Variants in TEAD2 observed in about 807,000 individuals in gnomAD.
TEAD2 encodes the protein TEA domain transcription factor 2, also known as transcriptional enhancer factor TEF-4.
A neutral mutation model predicts 61.4 loss-of-function variants in TEAD2; 51 were observed. That is an observed-to-expected ratio of 0.83 (90% CI 0.66 to 1.05). The LOEUF is 1.05. Among genes scored for constraint, TEAD2 ranks in the 50% least tolerant of loss-of-function variants. TEAD2 has a pLI of 0.00. For synonymous variants in TEAD2, 244 were observed against 243.2 expected (o/e 1.00, Z -0.03); for missense variants, 509 against 600.0 (o/e 0.85, Z 1.58).
intron 8 of TEAD2, chr19:49,349,070 A>G (rs936470104): frequency 2.2e-6 from 1 of 451,536 alleles, no homozygotes; most frequent in Admixed American, 4.0e-5. Flanking sequence ...CTGAATGAAA[A>G]AGACAGAACT....
rs977065503 is a variant in TEAD2 at position 49,361,156 on chromosome 19, G to A, written c.-6-1075C>T. Among the ~76,000 whole-genome samples, 130 of 37,692 alleles carry A rather than the reference G, an allele frequency of 3.4e-3. 1 individual carries two copies. Among genetic ancestry groups the A allele is most frequent in the African/African-American group, 5.3e-3 (31 of 5,856 alleles). The allele number at this position is 37,692 out of a possible 152,430, so 24.7% of individuals were successfully genotyped here. ...GACCAGAAAGAGGGGGACAGAGACC[G>A]GGGGGGGGGGACAGGGACCAGAGAG... On this transcript the variant is annotated intron_variant, in intron 1 of 12. Transcript: ENST00000593945.
At chr19:49,350,027 G>T (rs1971910422) in intron 8 of TEAD2, among the ~76,000 whole-genome samples, 1 of 152,182 alleles carries the variant, frequency 6.6e-6, no homozygotes, top group South Asian at 2.1e-4. Flanking sequence ...TGGGTCTTCT[G>T]TTACTTGCAG....
At chr19:49,348,551 T>C in intron 9 of TEAD2, 152 bp downstream of exon 9, 1 of 801,540 alleles carries the variant, frequency 1.2e-6, no homozygotes, top group Non-Finnish European at 2.1e-6. Context: ...CCACATCACA[T>C]CTAGCAAATC....
At chr19:49,358,853 G>A (rs1359191729) in intron 3 of TEAD2, among the ~76,000 whole-genome samples, 2 of 151,580 alleles carry the variant, frequency 1.3e-5, no homozygotes, top group African/African-American at 2.4e-5. Flanking sequence ...GGATGGTCTC[G>A]ATCTCCTGAC....
rs375177887 is a variant in TEAD2 at position 49,342,537 on chromosome 19, C to T, written c.1143G>A (p.Ser381=). ...AATTCACCAGGTACTCGCACATGGG[C>T]GAGCGCAGCAGGCGGTACACAAATC... is the stretch of plus-strand genomic sequence containing the variant. ...DGRFVYRLLR[S]PMCEYLVNFL... is the part of the protein sequence containing the mutation. The change falls in exon 12 of 13, where the codon TCG becomes TCA. Residue 381 remains serine (S), a synonymous_variant. Transcript: ENST00000593945. 32 of 1,613,980 alleles carry T rather than the reference C, an allele frequency of 2.0e-5. No homozygotes were observed. Among genetic ancestry groups the T allele is most frequent in the African/African-American group, 9.3e-5 (7 of 74,930 alleles).
intron 8 of TEAD2, 185 bp from the exon 9 acceptor site, chr19:49,349,030 G>A (rs1191830874): frequency 1.3e-5 from 8 of 595,366 alleles, no homozygotes; most frequent in Non-Finnish European, 2.0e-5. Flanking sequence ...GGGGAAATCT[G>A]CTGGGGGGCT....
At chr19:49,347,021 C>T (rs1047958614) in intron 10 of TEAD2, among the ~76,000 whole-genome samples, 169 bp downstream of exon 10, 2 of 152,198 alleles carry the variant, frequency 1.3e-5, no homozygotes, top group Non-Finnish European at 2.9e-5. Context: ...GGGCTGGCCT[C>T]CTCGGTGTTC....
intron 8 of TEAD2, 62 bp from the exon 9 acceptor site, chr19:49,348,907 G>GT: frequency 7.0e-7 from 1 of 1,432,754 alleles, no homozygotes; most frequent in Non-Finnish European, 9.1e-7. Flanking sequence ...ATCAGGTACT[G>GT]TTGTCTCTTG....
Position 49,347,231 on chromosome 19 carries a change from C to A in TEAD2, c.880G>T (p.Asp294Tyr). The change falls in exon 10 of 13, where the codon GAT (aspartate) becomes TAT (tyrosine). Residue 294 changes from aspartate to tyrosine, a missense_variant. Asp to Tyr is a radical substitution (Grantham distance 160). Transcript: ENST00000593945. Reference protein sequence around the residue: ...EKKGGLRELYDRGPPHAFFLV... With the variant: ...EKKGGLRELYYRGPPHAFFLV... The stretch of plus-strand genomic sequence containing the variant: ...AAGAAGGCATGGGGGGGGCCACGAT[C>A]ATATAGCTCTCGGAGGCCACCCTTT... The A allele has an allele frequency of 6.2e-7, 1 of 1,614,174 alleles. No individual in the cohort carries two copies. The highest frequency in any genetic ancestry group is 8.5e-7 in the Non-Finnish European group (1 of 1,180,022).
chr19:49,359,850 T>C lies in TEAD2; in HGVS notation c.226A>G (p.Met76Val). The C allele has an allele frequency of 6.2e-7, 1 of 1,613,538 alleles. No individual in the cohort carries two copies. Among genetic ancestry groups the C allele is most frequent in the Non-Finnish European group, 8.5e-7 (1 of 1,179,976 alleles). ...RKIILSDEGK[M>V]YGRNELIARY... is the part of the protein sequence containing the mutation. ...AAGACAGAAGTAGACTCACCATACATCTTGCCTTCATCAGACAAAATTATT... is the reference window on the plus strand; with the variant it reads ...AAGACAGAAGTAGACTCACCATACACCTTGCCTTCATCAGACAAAATTATT... Residue 76 changes from methionine to valine, a missense_variant, in exon 2 of 13, where the codon ATG (methionine) becomes GTG (valine). Coordinates refer to ENST00000593945, the MANE Select transcript of TEAD2 (RefSeq NM_001256660.2). The surrounding 1 kb of genome is among the most constrained non-coding windows in gnomAD (Gnocchi z 4.1).
At position 49,341,530 on chromosome 19, in the gene TEAD2, G is replaced by T; in HGVS notation, c.1243-93C>A. 3 of 1,011,828 alleles carry T rather than the reference G, an allele frequency of 3.0e-6. No homozygotes were observed. The highest frequency in any genetic ancestry group is 4.5e-6 in the Non-Finnish European group (3 of 663,988). The allele number at this position is 1,011,828 out of a possible 1,614,324, so 62.7% of individuals were successfully genotyped here. On this transcript the variant is annotated intron_variant, in intron 12 of 12. Coordinates refer to ENST00000593945, the MANE Select transcript of TEAD2 (RefSeq NM_001256660.2). The surrounding 1 kb of genome is among the most constrained non-coding windows in gnomAD (Gnocchi z 4.2). The stretch of plus-strand genomic sequence containing the variant: ...CCAAGCTATCATGGAATACCCAGCA[G>T]GCTCTTTTCCATCTCCAGGAAACAG...
At chr19:49,352,831 T>G (rs548253429) in intron 7 of TEAD2, among the ~76,000 whole-genome samples, 1 of 152,132 alleles carries the variant, frequency 6.6e-6, no homozygotes, top group Non-Finnish European at 1.5e-5. Context: ...TGAGCCACTA[T>G]GCCTGGCCTC....
intron 7 of TEAD2, among the ~76,000 whole-genome samples, chr19:49,351,721 C>A (rs1458060669): frequency 6.6e-6 from 1 of 152,036 alleles, no homozygotes; most frequent in African/African-American, 2.4e-5. Flanking sequence ...CGTGGTGGCT[C>A]ACACCTGTAA....
intron 1 of TEAD2, chr19:49,361,727 T>G (rs1972957653): frequency 1.3e-5 from 2 of 152,454 alleles, no homozygotes; most frequent in Non-Finnish European, 2.9e-5. Flanking sequence ...GGAGGCTCCA[T>G]GTCCTCCACA....
chr19:49,354,039 C>T (rs1359426157), intron 7 of TEAD2, among the ~76,000 whole-genome samples: 5 of 150,302 alleles, frequency 3.3e-5, no homozygotes, highest in Non-Finnish European at 7.4e-5. Context: ...ACCTCGTGAT[C>T]CACCCGCCTC....
chr19:49,348,710 A>T lies in TEAD2; in HGVS notation c.740T>A (p.Val247Asp), dbSNP rs1204816528. 6.2e-7 allele frequency: 1 copy of T among 1,613,982 alleles called. No individual in the cohort carries two copies. Among genetic ancestry groups the T allele is most frequent in the East Asian group, 2.2e-5 (1 of 44,878 alleles). Residue 247 changes from valine to aspartate, a missense_variant, in exon 9 of 13, where the codon GTT becomes GAT. Transcript: ENST00000593945. Reference sequence around the variant, plus strand: ...TACCAAAATTTCACTCACAGAATCAACTGCATCTGGCGGTTCCACGAAGGC... The same window carrying T: ...TACCAAAATTTCACTCACAGAATCATCTGCATCTGGCGGTTCCACGAAGGC... ...FSAFVEPPDA[V>D]DSYQRHLFVH...
chr19:49,355,061 A>G (rs920097137), intron 7 of TEAD2, 87 bp downstream of exon 7: 1 of 883,080 alleles, frequency 1.1e-6, no homozygotes, highest in African/African-American at 1.7e-5. Flanking sequence ...ATGGGGGGAC[A>G]CAGGAGCTAG....
At position 49,359,503 on chromosome 19, in the gene TEAD2, A is replaced by C. The variant is rs769103159; in HGVS notation, c.233-4T>G. ...CGGGCGATCAGTTCATTCCGACCTG[A>C]AGATTCAAAGACGGAACAGAGTTAG... is the stretch of plus-strand genomic sequence containing the variant. On this transcript the variant is annotated splice_polypyrimidine_tract_variant and splice_region_variant and intron_variant, in intron 2 of 12. Transcript: ENST00000593945. This position sits in a 1 kb window ranked among gnomAD's most constrained non-coding sequence, Gnocchi z 4.1. The C allele has an allele frequency of 1.9e-6, 3 of 1,613,892 alleles. No individual in the cohort carries two copies. The highest frequency in any genetic ancestry group is 1.7e-5 in the Admixed American group (1 of 59,996).
intron 7 of TEAD2, among the ~76,000 whole-genome samples, chr19:49,352,760 G>A (rs1453224061): frequency 6.6e-6 from 1 of 151,990 alleles, no homozygotes; most frequent in Non-Finnish European, 1.5e-5. Context: ...GGCTGGTCTC[G>A]AACTCCTGAC....
Sources: allele counts gnomAD v4.1 joint callset (sites outside exome capture counted in the v4.1 genomes callset), GRCh38; gene constraint gnomAD v4.1.1; non-coding constraint Gnocchi (gnomAD v3.1); transcripts MANE v1.5; gene names NCBI Gene and HGNC (gene_info 2026-07-23, HGNC 2026-07-21).